ELP2: variants seen among roughly 807,000 people sequenced by gnomAD.
The protein encoded by ELP2 is elongator complex protein 2.
Under a neutral mutation model 119.2 loss-of-function variants are expected in ELP2, and 90 were observed. The ratio of observed to expected loss-of-function variants is 0.75; its 90% CI spans 0.64 to 0.90. The LOEUF (loss-of-function observed/expected upper bound fraction) is 0.90. ELP2 is among the 40% of genes least tolerant of loss of function. The probability of loss-of-function intolerance (pLI) is 0.00; values close to 1 mark genes in which losing one functional copy is unlikely to be tolerated. For synonymous variants in ELP2, 339 were observed against 331.0 expected, an observed-to-expected ratio of 1.02 and a Z score of -0.26; for missense variants, 921 against 967.8, an observed-to-expected ratio of 0.95 and a Z score of 0.64.
At chr18:36,156,738 A>G in intron 13 of ELP2, 84 bp downstream of exon 13, 1 of 1,203,718 alleles carries the variant, frequency 8.3e-7, no homozygotes, top group Non-Finnish European at 1.2e-6. Flanking sequence ...CTTTAAATGG[A>G]ATATATGGGT....
chr18:36,145,061 C>A (rs373383720), intron 9 of ELP2, 27 bp downstream of exon 9: 4 of 1,540,796 alleles, frequency 2.6e-6, no homozygotes, highest in Admixed American at 3.3e-5. Context: ...ACACATATCC[C>A]TTACTCCAGT....
At chr18:36,144,884 A>G in intron 8 of ELP2, 55 bp from the exon 9 acceptor site, 1 of 1,431,102 alleles carries the variant, frequency 7.0e-7, no homozygotes, top group Non-Finnish European at 9.9e-7. Context: ...GGTTATGGAA[A>G]TATTCTTTTT....
At chr18:36,170,483 T>C (rs1012474092) in intron 20 of ELP2, among the ~76,000 whole-genome samples, 1 of 151,954 alleles carries the variant, frequency 6.6e-6, no homozygotes, top group African/African-American at 2.4e-5. Flanking sequence ...GGCTCCTTTT[T>C]TTATATTTTT....
chr18:36,177,721 A>G lies in ELP2; in HGVS notation c.*3080A>G, dbSNP rs2091257628. The G allele has an allele frequency of 6.6e-6, 1 of 152,218 alleles. No individual in the cohort carries two copies. Among genetic ancestry groups the G allele is most frequent in the Admixed American group, 6.5e-5 (1 of 15,286 alleles). 9.4% of individuals were successfully genotyped at this position (152,218 alleles called of 1,614,324 possible). ...CAGGATGTAAATCGGTACTAAAAAAAAAGTGCTCCAAAGTAAGATATATTT... is the reference window on the plus strand; with the variant it reads ...CAGGATGTAAATCGGTACTAAAAAAGAAGTGCTCCAAAGTAAGATATATTT... On this transcript the variant is annotated 3_prime_UTR_variant, in exon 22 of 22. Coordinates refer to ENST00000358232, the MANE Select transcript of ELP2 (RefSeq NM_018255.4).
chr18:36,166,100 G>A (rs1246620258), intron 18 of ELP2, among the ~76,000 whole-genome samples: 1 of 151,824 alleles, frequency 6.6e-6, no homozygotes, highest in Non-Finnish European at 1.5e-5. Context: ...GGCTGAGACA[G>A]GAGGATTGCA....
intron 1 of ELP2, among the ~76,000 whole-genome samples, chr18:36,130,462 A>G (rs573860140): frequency 6.6e-6 from 1 of 152,370 alleles, no homozygotes; most frequent in South Asian, 2.1e-4. Context: ...ATCTCATTTC[A>G]GTATTTCCTT....
rs1234705459 is a variant in ELP2, at chr18:36,178,401, A to C, written c.*3760A>C. 1.3e-5 allele frequency: 2 copies of C among 152,238 alleles called. No homozygotes were observed. Among genetic ancestry groups the C allele is most frequent in the African/African-American group, 4.8e-5 (2 of 41,456 alleles). The allele number at this position is 152,238 out of a possible 1,614,324, so 9.4% of individuals were successfully genotyped here. ...CTAGATTCTTCAACAAATACATTAC[A>C]AGAGGAAAAGGGAAGGGAAGGGAAG... On this transcript the variant is annotated 3_prime_UTR_variant, in exon 22 of 22. Coordinates refer to ENST00000358232, the MANE Select transcript of ELP2 (RefSeq NM_018255.4).
intron 2 of ELP2, among the ~76,000 whole-genome samples, chr18:36,134,184 T>C (rs2089745655): frequency 6.6e-6 from 1 of 152,146 alleles, no homozygotes; most frequent in Non-Finnish European, 1.5e-5. Context: ...GTTTGCACCT[T>C]AATAACATGT....
chr18:36,133,409 A>G, intron 2 of ELP2, 93 bp downstream of exon 2: 3 of 839,220 alleles, frequency 3.6e-6, no homozygotes, highest in Non-Finnish European at 6.2e-6. Flanking sequence ...TTAATTTAGC[A>G]TTACCTTATA....
At chr18:36,161,742 C>T (rs905197902) in intron 17 of ELP2, among the ~76,000 whole-genome samples, 3 of 152,126 alleles carry the variant, frequency 2.0e-5, no homozygotes, top group Non-Finnish European at 4.4e-5. Context: ...GCTTGTGTCC[C>T]TGCTTTTAAT....
intron 1 of ELP2, among the ~76,000 whole-genome samples, chr18:36,132,630 A>G (rs1451303395): frequency 6.6e-6 from 1 of 152,288 alleles, no homozygotes; most frequent in Admixed American, 6.5e-5. Flanking sequence ...TGGTGAAAGC[A>G]GTCTGTTGAG....
intron 11 of ELP2, among the ~76,000 whole-genome samples, chr18:36,149,094 C>G (rs777080100): frequency 1.7e-4 from 26 of 152,198 alleles, no homozygotes; most frequent in Non-Finnish European, 3.2e-4. Context: ...TCTTGAGACT[C>G]TTATGAGTTG....
At chr18:36,146,591 G>T (rs79664262) in intron 11 of ELP2, among the ~76,000 whole-genome samples, 11,360 of 152,178 alleles carry the variant, frequency 0.075, 475 homozygotes, top group Middle Eastern at 0.095. Context: ...TTAAGCTATA[G>T]AATTTTTTAA....
intron 12 of ELP2, among the ~76,000 whole-genome samples, chr18:36,156,093 A>C (rs1598798257): frequency 1.3e-5 from 2 of 152,324 alleles, no homozygotes; most frequent in South Asian, 2.1e-4. Context: ...TATGTGGTAG[A>C]GAAAATCAGG....
At chr18:36,134,801 TATG>T (rs2089768901) in intron 2 of ELP2, among the ~76,000 whole-genome samples, 1 of 152,224 alleles carries the variant, frequency 6.6e-6, no homozygotes, top group Admixed American at 6.5e-5. Flanking sequence ...CCCAAAATCC[TATG>T]ATATTTCTTT....
chr18:36,146,154 A>G (rs1181458981), intron 10 of ELP2, 96 bp from the exon 11 acceptor site: 1 of 1,579,840 alleles, frequency 6.3e-7, no homozygotes, highest in Non-Finnish European at 8.7e-7. Context: ...TGTACATTAA[A>G]ATAGTGGGAA....
chr18:36,135,885 T>C (rs1323489532), intron 2 of ELP2, among the ~76,000 whole-genome samples: 1 of 152,176 alleles, frequency 6.6e-6, no homozygotes, highest in African/African-American at 2.4e-5. Context: ...AAATGTTGAG[T>C]GTATTTCCTT....
At chr18:36,138,043 A>C in intron 3 of ELP2, 1 of 504,496 alleles carries the variant, frequency 2.0e-6, no homozygotes, top group South Asian at 2.1e-5. Context: ...ATTCTTCAGA[A>C]TACCTATTGT....
intron 11 of ELP2, 73 bp from the exon 12 acceptor site, chr18:36,154,777 T>C: frequency 6.4e-7 from 1 of 1,560,552 alleles, no homozygotes; most frequent in Non-Finnish European, 8.8e-7. Context: ...TTCTCTGTTA[T>C]CAGACGTGAG....
Sources: allele counts gnomAD v4.1 joint callset (sites outside exome capture counted in the v4.1 genomes callset), GRCh38; gene constraint gnomAD v4.1.1; transcripts MANE v1.5; gene names NCBI Gene and HGNC (gene_info 2026-07-23, HGNC 2026-07-21).